Variants in CFHR4 observed in about 807,000 individuals in gnomAD.
CFHR4 encodes complement factor H-related protein 4.
Under a neutral mutation model 69.3 loss-of-function variants are expected in CFHR4, and 64 were observed. The observed-to-expected ratio is 0.92, with a 90% CI of 0.76 to 1.14. CFHR4 has a LOEUF of 1.14. Ranked by LOEUF, CFHR4 falls within the 50% of genes most tolerant of loss-of-function variation. The probability of loss-of-function intolerance (pLI) is 0.00; values close to 1 mark genes in which losing one functional copy is unlikely to be tolerated. For missense variants in CFHR4, 636 were observed against 684.9 expected, an observed-to-expected ratio of 0.93 and a Z score of 0.80; for synonymous variants, 244 against 237.0, an observed-to-expected ratio of 1.03 and a Z score of -0.27.
intron 7 of CFHR4, among the ~76,000 whole-genome samples, chr1:196,913,783 C>G (rs1025439978): frequency 1.3e-5 from 2 of 151,286 alleles, no homozygotes; most frequent in African/African-American, 4.9e-5. Flanking sequence ...AACCTTGATA[C>G]ATAATACAAC....
chr1:196,900,732 G>A (rs968180113), intron 1 of CFHR4, among the ~76,000 whole-genome samples: 2 of 151,274 alleles, frequency 1.3e-5, no homozygotes, highest in Admixed American at 1.3e-4. Flanking sequence ...AAGTTCAAAG[G>A]TAAAGAGAAA....
At chr1:196,911,789 T>C (rs1658281920) in intron 6 of CFHR4, among the ~76,000 whole-genome samples, 1 of 151,478 alleles carries the variant, frequency 6.6e-6, no homozygotes, top group South Asian at 2.1e-4. Context: ...ACCTAATAAA[T>C]ATTGTTGTGT....
At position 196,902,889 on chromosome 1, in the gene CFHR4, A is replaced by C. The variant is rs144388281; in HGVS notation, c.256+274A>C. 8.5e-3 allele frequency among the ~76,000 whole-genome samples: 1,290 copies of C among 151,608 alleles called. 57 individuals are homozygous for C. The highest frequency in any genetic ancestry group is 0.03 in the African/African-American group (1,232 of 41,140). Reference sequence around the variant, plus strand: ...AACATTGAATACTGACTTTTTTGTAAAAACATTTAGTAGTAGCTTTAGTTT... The same window carrying C: ...AACATTGAATACTGACTTTTTTGTACAAACATTTAGTAGTAGCTTTAGTTT... On this transcript the variant is annotated intron_variant, in intron 2 of 9. Transcript: ENST00000608469.
intron 1 of CFHR4, among the ~76,000 whole-genome samples, chr1:196,897,835 C>G (rs1458377693): frequency 6.6e-6 from 1 of 151,292 alleles, no homozygotes; most frequent in Non-Finnish European, 1.5e-5. Context: ...AACAGACATG[C>G]CTGTCCTCAT....
Position 196,915,001 on chromosome 1 carries a change from A to G in CFHR4, c.1403A>G (p.Asp468Gly). ...CCTCCTCCACCTATTAGCAATGGTG[A>G]TACCACCTCCTTTCTACTAAAAGTG... is the stretch of plus-strand genomic sequence containing the variant. Reference protein sequence around the residue: ...CGPPPPISNGDTTSFLLKVYV... With the variant: ...CGPPPPISNGGTTSFLLKVYV... The change falls in exon 9 of 10, where the codon GAT becomes GGT. Residue 468 changes from aspartate to glycine, a missense_variant. Asp to Gly is a moderately conservative substitution (Grantham distance 94). Transcript: ENST00000608469. 6.2e-7 allele frequency: 1 copy of G among 1,612,778 alleles called. No homozygotes were observed. Among genetic ancestry groups the G allele is most frequent in the Non-Finnish European group, 8.5e-7 (1 of 1,179,724 alleles).
At position 196,918,235 on chromosome 1, in the gene CFHR4, C is replaced by T. The variant is rs1412439297; in HGVS notation, c.1566C>T (p.Asn522=). 2 of 1,604,296 alleles carry T rather than the reference C, an allele frequency of 1.2e-6. No homozygotes were observed. Among genetic ancestry groups the T allele is most frequent in the East Asian group, 4.5e-5 (2 of 44,506 alleles). ...CIHPCIITEE[N]MNKNNIQLKG... Reference sequence around the variant, plus strand: ...ATCCATGTATAATAACTGAAGAAAACATGAATAAAAATAACATACAGTTAA... The same window carrying T: ...ATCCATGTATAATAACTGAAGAAAATATGAATAAAAATAACATACAGTTAA... Residue 522 remains asparagine, a synonymous_variant, in exon 10 of 10, where the codon AAC becomes AAT. Transcript: ENST00000608469.
At position 196,902,560 on chromosome 1, in the gene CFHR4, C is replaced by T. The variant is rs371603556; in HGVS notation, c.201C>T (p.Tyr67=). 9 of 1,612,274 alleles carry T rather than the reference C, an allele frequency of 5.6e-6. No homozygotes were observed. Among genetic ancestry groups the T allele is most frequent in the Non-Finnish European group, 7.6e-6 (9 of 1,179,318 alleles). The change falls in exon 2 of 10, where the codon TAC becomes TAT. Residue 67 remains tyrosine (Y), a synonymous_variant. Coordinates refer to ENST00000608469, the MANE Select transcript of CFHR4 (RefSeq NM_001201550.3). ...ATTTTGTGACTCCTTCAGGAAGTTA[C>T]TGGGATTACATTCATTGCACACAAG... ...DQNFVTPSGS[Y]WDYIHCTQDG... is the part of the protein sequence containing the mutation.
At chr1:196,915,630 G>A (rs1484190849) in intron 9 of CFHR4, among the ~76,000 whole-genome samples, 4 of 148,998 alleles carry the variant, frequency 2.7e-5, no homozygotes, top group Admixed American at 6.7e-5. Context: ...GGGAGACTCC[G>A]TCTCCAAAAA....
chr1:196,895,896 A>T lies in CFHR4; in HGVS notation c.59-6522A>T, dbSNP rs139086885. Among the ~76,000 whole-genome samples the T allele has an allele frequency of 7.9e-4, 120 of 151,532 alleles. 5 individuals are homozygous for T. The East Asian group carries it at 0.021, about 27-fold the overall frequency. On this transcript the variant is annotated intron_variant, in intron 1 of 9. Transcript: ENST00000608469. ...TGGAATCAGATTCTCCTCCTTCTAC[A>T]TGTTTGTTGAGGGGCTTCCTGCATT...
At position 196,910,541 on chromosome 1, in the gene CFHR4, A is replaced by C. The variant is rs535515506; in HGVS notation, c.997+63A>C. Reference sequence around the variant, plus strand: ...TTGCAAAGAATGGAGAGAGAAGAGCAAACAAATGATTACATTGTCTTATAT... The same window carrying C: ...TTGCAAAGAATGGAGAGAGAAGAGCCAACAAATGATTACATTGTCTTATAT... On this transcript the variant is annotated intron_variant, in intron 6 of 9. Transcript: ENST00000608469. The C allele has an allele frequency of 5.9e-5, 80 of 1,354,636 alleles. 1 individual carries two copies. The East Asian group carries it at 1.7e-3, about 29-fold the overall frequency. The allele number at this position is 1,354,636 out of a possible 1,614,324, so 83.9% of individuals were successfully genotyped here.
At chr1:196,904,976 C>T in intron 2 of CFHR4, 132 bp from the exon 3 acceptor site, 1 of 877,336 alleles carries the variant, frequency 1.1e-6, no homozygotes, top group Non-Finnish European at 1.7e-6. Flanking sequence ...TAGGAAACTT[C>T]CAGTTTTGCT....
At chr1:196,888,280 G>A in intron 1 of CFHR4, 72 bp downstream of exon 1, 2 of 1,465,532 alleles carry the variant, frequency 1.4e-6, no homozygotes, top group South Asian at 2.3e-5. Flanking sequence ...AACTTCATAT[G>A]TCTATAATTT....
At chr1:196,913,052 C>G in intron 7 of CFHR4, 130 bp downstream of exon 7, 1 of 1,474,982 alleles carries the variant, frequency 6.8e-7, no homozygotes, top group Non-Finnish European at 9.2e-7. Context: ...TAAAACCATT[C>G]AACATTCTGT....
chr1:196,904,165 C>T (rs749096969), intron 2 of CFHR4, among the ~76,000 whole-genome samples: 24 of 151,588 alleles, frequency 1.6e-4, no homozygotes, highest in Non-Finnish European at 3.1e-4. Flanking sequence ...GTCATTAATC[C>T]ACTTAACAAA....
chr1:196,917,632 G>A (rs1215260838), intron 9 of CFHR4, among the ~76,000 whole-genome samples: 4 of 151,224 alleles, frequency 2.6e-5, no homozygotes, highest in Admixed American at 6.6e-5. Flanking sequence ...TGGTGATAGA[G>A]AGAGAGATAA....
chr1:196,902,462 T>C lies in CFHR4; in HGVS notation c.103T>C (p.Tyr35His), dbSNP rs138792300. 1.1e-3 allele frequency: 1,731 copies of C among 1,611,896 alleles called. 80 individuals are homozygous for C. In the African/African-American group the frequency reaches 0.021, roughly 20 times the overall value. The change falls in exon 2 of 10, where the codon TAT (tyrosine) becomes CAT (histidine). Residue 35 changes from tyrosine to histidine, a missense_variant. This residue lies in a region of CFHR4 where 529 missense variants were observed against 533.2 expected (regional missense o/e 0.99). Coordinates refer to ENST00000608469, the MANE Select transcript of CFHR4 (RefSeq NM_001201550.3). ...DFPEIQHGGL[Y>H]YKSLRRLYFP... ...TCCAGAAATTCAACATGGAGGTCTA[T>C]ATTATAAGAGTTTGCGTAGACTATA...
At chr1:196,915,502 G>A (rs1658555068) in intron 9 of CFHR4, among the ~76,000 whole-genome samples, 1 of 151,352 alleles carries the variant, frequency 6.6e-6, no homozygotes, top group Admixed American at 6.6e-5. Flanking sequence ...AGGCATGCTG[G>A]CATATGCCTG....
At position 196,910,303 on chromosome 1, in the gene CFHR4, A is replaced by G. The variant is rs41265219; in HGVS notation, c.822A>G (p.Pro274=). 15 of 1,600,364 alleles carry G rather than the reference A, an allele frequency of 9.4e-6. No individual in the cohort carries two copies. Among genetic ancestry groups the G allele is most frequent in the Non-Finnish European group, 1.3e-5 (15 of 1,172,572 alleles). The change falls in exon 6 of 10, where the codon CCA becomes CCG. Residue 274 remains proline, a synonymous_variant. Coordinates refer to ENST00000608469, the MANE Select transcript of CFHR4 (RefSeq NM_001201550.3). ...AAGCAATGAAACCTTGTGAGTTTCC[A>G]GAAATTCAACATGGACATCTATATT... ...RCISMKPCEF[P]EIQHGHLYYE...
At position 196,906,132 on chromosome 1, in the gene CFHR4, C is replaced by T. The variant is rs947662462; in HGVS notation, c.440-729C>T. The stretch of plus-strand genomic sequence containing the variant: ...AGGGTACAATTCAACTATTTTTAGC[C>T]ATGAGACGAAATGGAAAGGACTACT... On this transcript the variant is annotated intron_variant, in intron 3 of 9. Coordinates refer to ENST00000608469, the MANE Select transcript of CFHR4 (RefSeq NM_001201550.3). 5.3e-5 allele frequency among the ~76,000 whole-genome samples: 8 copies of T among 151,140 alleles called. 1 individual carries two copies. Among genetic ancestry groups the T allele is most frequent in the African/African-American group, 2.0e-4 (8 of 40,958 alleles).
Sources: allele counts gnomAD v4.1 joint callset (sites outside exome capture counted in the v4.1 genomes callset), GRCh38; gene constraint gnomAD v4.1.1; regional missense constraint gnomAD v4.1.1; transcripts MANE v1.5; gene names NCBI Gene and HGNC (gene_info 2026-07-23, HGNC 2026-07-21).